CACHD1: variants seen among roughly 807,000 people sequenced by gnomAD.
CACHD1 encodes cache domain containing 1, also known as VWFA and cache domain-containing protein 1.
A neutral mutation model predicts 138.7 loss-of-function variants in CACHD1; 71 were observed. The observed-to-expected ratio is 0.51, with a 90% CI of 0.42 to 0.62. The LOEUF (loss-of-function observed/expected upper bound fraction) is 0.62. Among genes scored for constraint, CACHD1 ranks in the 20% least tolerant of loss-of-function variants. The pLI is 0.00. For missense variants in CACHD1, 1,389 were observed against 1,625.3 expected (o/e 0.85, Z 2.50); for synonymous variants, 578 against 591.5 (o/e 0.98, Z 0.33).
chr1:64,545,965 A>G (rs745326491), intron 1 of CACHD1, among the ~76,000 whole-genome samples: 6 of 152,124 alleles, frequency 3.9e-5, no homozygotes, highest in Non-Finnish European at 8.8e-5. Context: ...AAAACTCCTC[A>G]CCTATTTTAA....
intron 3 of CACHD1, among the ~76,000 whole-genome samples, chr1:64,593,637 C>A (rs1355150067): frequency 6.6e-6 from 1 of 152,144 alleles, no homozygotes; most frequent in Admixed American, 6.5e-5. Context: ...TCTTTCAAGT[C>A]ATTTTCACTG....
At chr1:64,623,436 T>C (rs949039164) in intron 4 of CACHD1, among the ~76,000 whole-genome samples, 11 of 145,506 alleles carry the variant, frequency 7.6e-5, no homozygotes, top group African/African-American at 2.8e-4. Flanking sequence ...AAAATAAGAT[T>C]TTAGAACTTA....
rs193166081 is a variant in CACHD1, at chr1:64,634,303, A to C, written c.1006+43A>C. The stretch of plus-strand genomic sequence containing the variant: ...GAGGACTTAGAGGCATAGTAGATAA[A>C]GATGGCAATAGGAATATATTGTAAA... On this transcript the variant is annotated intron_variant, in intron 7 of 26. Transcript: ENST00000651257. The C allele has an allele frequency of 1.5e-4, 205 of 1,347,472 alleles. 1 individual carries two copies. The East Asian group carries it at 3.8e-3, about 25-fold the overall frequency. The allele number at this position is 1,347,472 out of a possible 1,614,324, so 83.5% of individuals were successfully genotyped here.
rs200054556 is a variant in CACHD1 at position 64,550,595 on chromosome 1, G to A, written c.200G>A (p.Arg67Gln). The change falls in exon 2 of 27, where the codon CGG (arginine) becomes CAG (glutamine). Residue 67 changes from arginine (R) to glutamine (Q), a missense_variant and splice_region_variant. This residue lies in a region of CACHD1 where 1,000 missense variants were observed against 1,114.7 expected (regional missense o/e 0.90). Coordinates refer to ENST00000651257, the MANE Select transcript of CACHD1 (RefSeq NM_020925.4). ...AEELGVVTMQ[R>Q]IFNSFVYTEK... ...ATGTTCATTTTCTTTTCATTGCAGC[G>A]GATATTCAACTCCTTTGTTTACACT... 1,160 of 1,608,140 alleles carry A rather than the reference G, an allele frequency of 7.2e-4. 17 individuals are homozygous for A. The South Asian group carries it at 9.0e-3, about 13-fold the overall frequency.
intron 1 of CACHD1, among the ~76,000 whole-genome samples, chr1:64,508,978 A>T (rs1329409825): frequency 6.6e-6 from 1 of 152,080 alleles, no homozygotes; most frequent in Non-Finnish European, 1.5e-5. Flanking sequence ...TACTCCCCTC[A>T]TCTTTGCTGC....
intron 3 of CACHD1, among the ~76,000 whole-genome samples, chr1:64,590,420 T>C (rs1404764151): frequency 6.6e-6 from 1 of 151,658 alleles, no homozygotes; most frequent in Admixed American, 6.6e-5. Flanking sequence ...TGTAAATTGG[T>C]TGTGTATTTT....
intron 1 of CACHD1, among the ~76,000 whole-genome samples, chr1:64,498,846 C>T (rs959127899): frequency 6.6e-6 from 1 of 152,164 alleles, no homozygotes; most frequent in Non-Finnish European, 1.5e-5. Context: ...GGAAAATGAC[C>T]AGAAAGAAAG....
At chr1:64,673,110 A>G (rs1288286350) in intron 17 of CACHD1, 48 bp from the exon 18 acceptor site, 4 of 1,515,706 alleles carry the variant, frequency 2.6e-6, no homozygotes, top group Non-Finnish European at 3.6e-6. Flanking sequence ...GTTTGAAAAA[A>G]AAAAAAACAG....
chr1:64,637,345 A>G (rs896445233), intron 7 of CACHD1, among the ~76,000 whole-genome samples: 2 of 152,206 alleles, frequency 1.3e-5, no homozygotes, highest in African/African-American at 4.8e-5. Flanking sequence ...CACCATCCAG[A>G]GGGTAGCTGC....
intron 26 of CACHD1, among the ~76,000 whole-genome samples, chr1:64,687,975 A>C (rs1650420629): frequency 6.6e-6 from 1 of 152,026 alleles, no homozygotes; most frequent in Non-Finnish European, 1.5e-5. Context: ...ATGTAAAATC[A>C]CAGAAGGAGC....
Position 64,659,440 on chromosome 1 carries a change from A to G in CACHD1, c.1951+567A>G, listed in dbSNP as rs146389481. Among the ~76,000 whole-genome samples, 6 of 152,360 alleles carry G rather than the reference A, an allele frequency of 3.9e-5. No individual in the cohort carries two copies. The East Asian group carries it at 7.7e-4, about 20-fold the overall frequency. ...AGGCCTCCAAAGGAATCTATGTAGCATATCAGCAGTAATCTACCACAGATT... is the reference window on the plus strand; with the variant it reads ...AGGCCTCCAAAGGAATCTATGTAGCGTATCAGCAGTAATCTACCACAGATT... On this transcript the variant is annotated intron_variant, in intron 13 of 26. Coordinates refer to ENST00000651257, the MANE Select transcript of CACHD1 (RefSeq NM_020925.4).
chr1:64,490,507 C>A (rs902459793), intron 1 of CACHD1, among the ~76,000 whole-genome samples: 1 of 152,226 alleles, frequency 6.6e-6, no homozygotes, highest in South Asian at 2.1e-4. Flanking sequence ...ACAAGCCTCA[C>A]TTTAAACTTG....
intron 4 of CACHD1, among the ~76,000 whole-genome samples, chr1:64,610,154 G>A (rs948752172): frequency 2.0e-5 from 3 of 152,130 alleles, no homozygotes; most frequent in South Asian, 2.1e-4. Flanking sequence ...CCTCCCACTG[G>A]GTCCCTCCCA....
At chr1:64,570,263 A>T (rs920298176) in intron 2 of CACHD1, among the ~76,000 whole-genome samples, 7 of 152,202 alleles carry the variant, frequency 4.6e-5, no homozygotes, top group African/African-American at 1.7e-4. Flanking sequence ...AAATGCTTTG[A>T]AAATCTGGAC....
At chr1:64,671,076 T>G (rs919453261) in intron 16 of CACHD1, among the ~76,000 whole-genome samples, 1 of 152,236 alleles carries the variant, frequency 6.6e-6, no homozygotes, top group East Asian at 1.9e-4. Context: ...GGAAAAAAAC[T>G]GGACTAGACA....
In CACHD1 at chr1:64,673,394, A is replaced by G. The variant is rs1649882730; in HGVS notation, c.2657A>G (p.Lys886Arg). The stretch of plus-strand genomic sequence containing the variant: ...ATCCTCAACCACCCCAACTTTGTAA[A>G]GAAAAACCTGTGCAACAGCTTCAGT... ...NDILNHPNFV[K>R]KNLCNSFSDR... The change falls in exon 19 of 27, where the codon AAG (lysine) becomes AGG (arginine). Residue 886 changes from lysine (K) to arginine (R), a missense_variant. Lys to Arg is a conservative substitution (Grantham distance 26, BLOSUM62 2). Transcript: ENST00000651257. The G allele has an allele frequency of 2.5e-6, 4 of 1,614,164 alleles. No homozygotes were observed. Among genetic ancestry groups the G allele is most frequent in the Non-Finnish European group, 3.4e-6 (4 of 1,180,002 alleles).
intron 2 of CACHD1, among the ~76,000 whole-genome samples, chr1:64,567,604 G>A (rs1187615528): frequency 6.6e-6 from 1 of 152,080 alleles, no homozygotes; most frequent in Non-Finnish European, 1.5e-5. Context: ...TAGAATCATG[G>A]TTGAATTAGG....
chr1:64,611,564 C>T (rs1647534567), intron 4 of CACHD1, among the ~76,000 whole-genome samples: 1 of 152,192 alleles, frequency 6.6e-6, no homozygotes, highest in Non-Finnish European at 1.5e-5. Flanking sequence ...AGGGCAGAAG[C>T]AAAAGTCTCT....
At chr1:64,579,213 A>G (rs1431975848) in intron 2 of CACHD1, among the ~76,000 whole-genome samples, 3 of 152,366 alleles carry the variant, frequency 2.0e-5, no homozygotes, top group South Asian at 4.1e-4. Context: ...TATTAAAAAT[A>G]TTCTCCTTTA....
Sources: allele counts gnomAD v4.1 joint callset (sites outside exome capture counted in the v4.1 genomes callset), GRCh38; gene constraint gnomAD v4.1.1; regional missense constraint gnomAD v4.1.1; transcripts MANE v1.5; gene names NCBI Gene and HGNC (gene_info 2026-07-23, HGNC 2026-07-21).